The following WWC2 variants were observed in gnomAD, a reference collection of about 807,000 sequenced individuals.
WWC2 encodes the protein protein WWC2.
Under a neutral mutation model 138.5 loss-of-function variants are expected in WWC2, and 101 were observed. That is an observed-to-expected ratio of 0.73 (90% confidence interval 0.62 to 0.86). WWC2 has a LOEUF of 0.86. Ranked by LOEUF, WWC2 falls within the 40% of genes least tolerant of loss-of-function variation. The pLI, the probability that WWC2 is intolerant of heterozygous loss-of-function variation, is 0.00. For synonymous variants in WWC2, 558 were observed against 538.4 expected, an observed-to-expected ratio of 1.04 and a Z score of -0.50; for missense variants, 1,420 against 1,419.4, an observed-to-expected ratio of 1.00 and a Z score of -0.01.
chr4:183,312,396 G>A lies in WWC2; in HGVS notation c.3440G>A (p.Arg1147Lys), dbSNP rs1739283690. ...KQGLNAEKLMRQVSKDVCRLR... is the reference protein window; with the variant it reads ...KQGLNAEKLMKQVSKDVCRLR... ...GGTCTGAATGCAGAGAAGTTGATGA[G>A]GCAAGTCTCCAAGGACGTGTGTCGG... Residue 1147 changes from arginine (R) to lysine (K), a missense_variant, in exon 22 of 23, where the codon AGG becomes AAG. By Grantham distance (26) the Arg-to-Lys change is conservative. Coordinates refer to ENST00000403733, the MANE Select transcript of WWC2 (RefSeq NM_024949.6). 2 of 1,613,828 alleles carry A rather than the reference G, an allele frequency of 1.2e-6. No individual in the cohort carries two copies. Among genetic ancestry groups the A allele is most frequent in the East Asian group, 4.5e-5 (2 of 44,876 alleles).
At chr4:183,290,733 CA>C (rs1738420938) in intron 21 of WWC2, among the ~76,000 whole-genome samples, 1 of 152,142 alleles carries the variant, frequency 6.6e-6, no homozygotes, top group Non-Finnish European at 1.5e-5. Flanking sequence ...AATGCCAAAA[CA>C]TTGTTTTCTA....
intron 21 of WWC2, among the ~76,000 whole-genome samples, chr4:183,299,848 C>T (rs141794681): frequency 7.6e-4 from 116 of 152,210 alleles, no homozygotes; most frequent in African/African-American, 2.6e-3. Flanking sequence ...TGCCAATTGC[C>T]ATAAAAAATA....
chr4:183,116,946 G>T (rs1452623250), intron 1 of WWC2, among the ~76,000 whole-genome samples: 1 of 152,122 alleles, frequency 6.6e-6, no homozygotes, highest in Non-Finnish European at 1.5e-5. Context: ...CCTTGTTCCA[G>T]TGTTTTCAGT....
In WWC2 at chr4:183,289,417, A is replaced by G; in HGVS notation, c.3166A>G (p.Arg1056Gly). The change falls in exon 21 of 23, where the codon AGA becomes GGA. Residue 1056 changes from arginine (R) to glycine (G), a missense_variant. Arg to Gly is a moderately radical substitution (Grantham distance 125). Transcript: ENST00000403733. Reference protein sequence around the residue: ...KRTVCQSVLRRTTQECPVRTS... With the variant: ...KRTVCQSVLRGTTQECPVRTS... ...GACGGTTTGCCAGTCAGTCCTTAGA[A>G]GAACAACACAGGAATGCCCAGTGCG... 6.2e-7 allele frequency: 1 copy of G among 1,612,046 alleles called. No individual in the cohort carries two copies. Among genetic ancestry groups the G allele is most frequent in the East Asian group, 2.2e-5 (1 of 44,814 alleles).
chr4:183,195,090 A>G (rs756538829), intron 2 of WWC2, among the ~76,000 whole-genome samples: 3 of 152,216 alleles, frequency 2.0e-5, no homozygotes, highest in Non-Finnish European at 4.4e-5. Flanking sequence ...TTTATTGTGT[A>G]TCAGTCACTG....
At chr4:183,131,697 A>G (rs772706920) in intron 1 of WWC2, among the ~76,000 whole-genome samples, 1 of 152,108 alleles carries the variant, frequency 6.6e-6, no homozygotes, top group African/African-American at 2.4e-5. Flanking sequence ...GTATAGTCAG[A>G]TTTGTCCATC....
intron 1 of WWC2, among the ~76,000 whole-genome samples, chr4:183,175,357 G>A (rs1004853753): frequency 6.6e-6 from 1 of 151,992 alleles, no homozygotes; most frequent in Admixed American, 6.6e-5. Flanking sequence ...GATCTCCTGG[G>A]CTCAGGTGAT....
chr4:183,284,418 G>A (rs377662265), intron 19 of WWC2, 28 bp downstream of exon 19: 72 of 1,602,028 alleles, frequency 4.5e-5, no homozygotes, highest in Admixed American at 8.3e-5. Context: ...GTGGTGAGGC[G>A]CTGGGACTGC....
At chr4:183,306,164 A>G (rs1194119295) in intron 21 of WWC2, among the ~76,000 whole-genome samples, 1 of 152,192 alleles carries the variant, frequency 6.6e-6, no homozygotes, top group Non-Finnish European at 1.5e-5. Context: ...TTGACATTAT[A>G]TAAAGTCCTC....
intron 1 of WWC2, among the ~76,000 whole-genome samples, chr4:183,148,410 A>G (rs1231603711): frequency 6.6e-6 from 1 of 152,118 alleles, no homozygotes; most frequent in Non-Finnish European, 1.5e-5. Flanking sequence ...TACTGCTTGT[A>G]TGTCCTCCTC....
At chr4:183,309,414 T>C (rs1362549271) in intron 21 of WWC2, among the ~76,000 whole-genome samples, 1 of 152,112 alleles carries the variant, frequency 6.6e-6, no homozygotes, top group Non-Finnish European at 1.5e-5. Context: ...AGTTTAAAAA[T>C]CGGCAAAAGA....
At chr4:183,126,687 T>G (rs1252748958) in intron 1 of WWC2, among the ~76,000 whole-genome samples, 2 of 152,178 alleles carry the variant, frequency 1.3e-5, no homozygotes, top group Non-Finnish European at 2.9e-5. Flanking sequence ...AAACTGTGAT[T>G]TGGAAAGTCT....
At chr4:183,189,205 G>A (rs1011792709) in intron 1 of WWC2, among the ~76,000 whole-genome samples, 3 of 151,706 alleles carry the variant, frequency 2.0e-5, no homozygotes, top group Non-Finnish European at 4.4e-5. Context: ...GAGGCTGAGG[G>A]AGGTGGATTG....
intron 2 of WWC2, among the ~76,000 whole-genome samples, chr4:183,194,299 G>C (rs927748138): frequency 1.3e-5 from 2 of 152,146 alleles, no homozygotes; most frequent in African/African-American, 4.8e-5. Context: ...GATTACTGTG[G>C]CCGTGAATGA....
intron 5 of WWC2, 107 bp downstream of exon 5, chr4:183,240,369 A>G (rs973024603): frequency 1.2e-6 from 1 of 803,460 alleles, no homozygotes; most frequent in Non-Finnish European, 1.8e-6. Context: ...AAGAAACGTA[A>G]AGTAAAAAAG....
At chr4:183,245,351 A>T in intron 5 of WWC2, 65 bp from the exon 6 acceptor site, 1 of 1,357,048 alleles carries the variant, frequency 7.4e-7, no homozygotes, top group Non-Finnish European at 9.5e-7. Flanking sequence ...ACCACTTCCT[A>T]CTCTCTGTTT....
intron 6 of WWC2, among the ~76,000 whole-genome samples, chr4:183,246,588 A>T (rs1408985928): frequency 1.3e-5 from 2 of 152,238 alleles, no homozygotes; most frequent in African/African-American, 4.8e-5. Flanking sequence ...ACTGCCTTGC[A>T]TATAAATAAT....
chr4:183,303,447 C>T (rs1435999886), intron 21 of WWC2, among the ~76,000 whole-genome samples: 1 of 152,142 alleles, frequency 6.6e-6, no homozygotes, highest in Non-Finnish European at 1.5e-5. Context: ...TCTTAGCATA[C>T]CTACAAGAGG....
intron 4 of WWC2, among the ~76,000 whole-genome samples, chr4:183,224,213 T>C (rs1009942924): frequency 1.9e-4 from 29 of 152,346 alleles, no homozygotes; most frequent in African/African-American, 6.7e-4. Flanking sequence ...TTATGAGATC[T>C]AGTTTTTTTG....
Sources: allele counts gnomAD v4.1 joint callset (sites outside exome capture counted in the v4.1 genomes callset), GRCh38; gene constraint gnomAD v4.1.1; transcripts MANE v1.5; gene names NCBI Gene and HGNC (gene_info 2026-07-23, HGNC 2026-07-21).